SASH1: variants seen among roughly 807,000 people sequenced by gnomAD.
The protein encoded by SASH1 is SAM and SH3 domain-containing protein 1.
Under a neutral mutation model 125.2 loss-of-function variants are expected in SASH1, and 44 were observed. The observed-to-expected ratio is 0.35, with a 90% CI of 0.28 to 0.45. The LOEUF (loss-of-function observed/expected upper bound fraction) is 0.45. SASH1 is among the 20% of genes least tolerant of loss of function. The pLI, the probability that SASH1 is intolerant of heterozygous loss-of-function variation, is 1.00. For synonymous variants in SASH1, 639 were observed against 649.1 expected, an observed-to-expected ratio of 0.98 and a Z score of 0.24; for missense variants, 1,426 against 1,614.5, an observed-to-expected ratio of 0.88 and a Z score of 2.00.
intron 2 of SASH1, among the ~76,000 whole-genome samples, chr6:148,404,452 A>G (rs1044756700): frequency 6.6e-6 from 1 of 152,162 alleles, no homozygotes; most frequent in East Asian, 1.9e-4. Context: ...ATAAACGTCC[A>G]GGATCCACTG....
chr6:148,452,373 G>A (rs1236250568), intron 4 of SASH1, among the ~76,000 whole-genome samples: 1 of 152,172 alleles, frequency 6.6e-6, no homozygotes, highest in Admixed American at 6.5e-5. Context: ...GGTGAGGAGT[G>A]TGAGTCAGGT....
intron 1 of SASH1, among the ~76,000 whole-genome samples, chr6:148,359,392 C>A (rs949717061): frequency 6.7e-6 from 1 of 149,890 alleles, no homozygotes; most frequent in African/African-American, 2.5e-5. Context: ...TTTTTGGTGC[C>A]ATTTTTCCAA....
chr6:148,324,613 A>AG (rs1780747995), intron 1 of SASH1, among the ~76,000 whole-genome samples: 1 of 152,230 alleles, frequency 6.6e-6, no homozygotes, highest in African/African-American at 2.4e-5. Flanking sequence ...TCTCAGCTGC[A>AG]GAAAAAAGTA....
intron 1 of SASH1, among the ~76,000 whole-genome samples, chr6:148,386,899 A>G (rs1236044009): frequency 6.6e-6 from 1 of 152,110 alleles, no homozygotes; most frequent in Non-Finnish European, 1.5e-5. Context: ...AGGGATGGTG[A>G]GCACTTTGTT....
chr6:148,415,539 A>C (rs1784788431), intron 2 of SASH1, among the ~76,000 whole-genome samples: 2 of 152,254 alleles, frequency 1.3e-5, no homozygotes, highest in African/African-American at 4.8e-5. Flanking sequence ...AATCAGAGGG[A>C]AGATCACTCT....
intron 3 of SASH1, 28 bp from the exon 4 acceptor site, chr6:148,440,330 C>T: frequency 6.2e-7 from 1 of 1,612,944 alleles, no homozygotes; most frequent in South Asian, 1.1e-5. Context: ...GCTCTGACCA[C>T]ACTGACTATA....
chr6:148,417,078 G>A (rs892106237), intron 2 of SASH1, among the ~76,000 whole-genome samples: 12 of 152,222 alleles, frequency 7.9e-5, no homozygotes, highest in Non-Finnish European at 2.9e-5. Context: ...CTCAGTCACT[G>A]AACATGGATG....
At position 148,549,907 on chromosome 6, in the gene SASH1, T is replaced by G. The variant is rs947514373; in HGVS notation, c.*1349T>G. 9.9e-6 allele frequency: 2 copies of G among 201,974 alleles called. No individual in the cohort carries two copies. Among genetic ancestry groups the G allele is most frequent in the African/African-American group, 4.6e-5 (2 of 43,670 alleles). The allele number at this position is 201,974 out of a possible 1,614,324, so 12.5% of individuals were successfully genotyped here. A position where few individuals can be genotyped will look rare whatever the true frequency, so the allele number is the denominator to read the frequency against. Reference sequence around the variant, plus strand: ...TCACTGCAACCTCAGTCTCCCAGGTTCAAGTGATTCTCCTGCCTTAGCCTC... The same window carrying G: ...TCACTGCAACCTCAGTCTCCCAGGTGCAAGTGATTCTCCTGCCTTAGCCTC... On this transcript the variant is annotated 3_prime_UTR_variant, in exon 20 of 20. Coordinates refer to ENST00000367467, the MANE Select transcript of SASH1 (RefSeq NM_015278.5).
intron 2 of SASH1, among the ~76,000 whole-genome samples, chr6:148,414,377 G>A (rs976633359): frequency 1.1e-4 from 17 of 152,008 alleles, no homozygotes. Context: ...GGTGAATGCA[G>A]GAAGGTGGTA....
chr6:148,447,644 T>A (rs149291609), intron 4 of SASH1, among the ~76,000 whole-genome samples: 36 of 151,682 alleles, frequency 2.4e-4, no homozygotes, highest in African/African-American at 8.5e-4. Context: ...CTCCTCCTCC[T>A]CCTTTTCCTC....
At chr6:148,292,023 G>A (rs1400386104) in intron 1 of SASH1, among the ~76,000 whole-genome samples, 1 of 152,020 alleles carries the variant, frequency 6.6e-6, no homozygotes, top group Non-Finnish European at 1.5e-5. Context: ...AACACTGGTA[G>A]CAAAATCAGG....
chr6:148,286,103 C>T (rs1225414105), intron 1 of SASH1, among the ~76,000 whole-genome samples: 2 of 152,036 alleles, frequency 1.3e-5, no homozygotes, highest in Non-Finnish European at 2.9e-5. Flanking sequence ...TCTTTACAAA[C>T]ATCAAGGGAT....
chr6:148,390,145 G>T lies in SASH1; in HGVS notation c.168G>T (p.Leu56=), dbSNP rs2114826189. 6.2e-7 allele frequency: 1 copy of T among 1,613,306 alleles called. No individual in the cohort carries two copies. The highest frequency in any genetic ancestry group is 8.5e-7 in the Non-Finnish European group (1 of 1,179,586). ...GTCCACCCCTTCAGGACGGTTCACT[G>T]GGAAACATCGATGACCTGGCGCAGC... is the stretch of plus-strand genomic sequence containing the variant. ...TDVMGILDGS[L]GNIDDLAQQY... is the part of the protein sequence containing the mutation. The change falls in exon 2 of 20, where the codon CTG becomes CTT. Residue 56 remains leucine, a synonymous_variant. Transcript: ENST00000367467.
chr6:148,456,894 T>TAATAATAATAATAATAAG lies in SASH1; in HGVS notation c.387-11644_387-11643insATAATAATAAGAATAATA, dbSNP rs1243822998. 1.6e-4 allele frequency among the ~76,000 whole-genome samples: 24 copies of TAATAATAATAATAATAAG among 149,330 alleles called. No homozygotes were observed. The South Asian group carries it at 1.9e-3, about 12-fold the overall frequency. The stretch of plus-strand genomic sequence containing the variant: ...ATAACAATAATAATAATAATAATAA[T>TAATAATAATAATAATAAG]AATAATATAATGTAAACAAAGGTAC... On this transcript the variant is annotated intron_variant, in intron 4 of 19. Coordinates refer to ENST00000367467, the MANE Select transcript of SASH1 (RefSeq NM_015278.5).
chr6:148,425,593 C>G (rs575652379), intron 2 of SASH1, among the ~76,000 whole-genome samples: 1 of 152,102 alleles, frequency 6.6e-6, no homozygotes, highest in African/African-American at 2.4e-5. Flanking sequence ...GCTCAACATT[C>G]TTGAAAAAAT....
Position 148,533,860 on chromosome 6 carries a change from C to G in SASH1, c.1824C>G (p.Ile608Met). 1 of 1,614,132 alleles carries G rather than the reference C, an allele frequency of 6.2e-7. No homozygotes were observed. The highest frequency in any genetic ancestry group is 1.1e-5 in the South Asian group (1 of 91,066). ...LNNKVGTFKF[I>M]YVDVLSEDEE... ...ACAAAGTCGGCACGTTCAAGTTCAT[C>G]TACGTGGACGTGCTCAGTGAAGACG... The change falls in exon 15 of 20, where the codon ATC (isoleucine) becomes ATG (methionine). Residue 608 changes from isoleucine (I) to methionine (M), a missense_variant. This residue lies in a region of SASH1 where 225 missense variants were observed against 344.5 expected (regional missense o/e 0.65). Transcript: ENST00000367467. This position sits in a 1 kb window ranked among gnomAD's most constrained non-coding sequence, Gnocchi z 6.2.
rs190091462 is a variant in SASH1 at position 148,511,190 on chromosome 6, T to C, written c.730-3134T>C. On this transcript the variant is annotated intron_variant, in intron 8 of 19. Coordinates refer to ENST00000367467, the MANE Select transcript of SASH1 (RefSeq NM_015278.5). ...TTTAAAGGCAAATATTTCACAACGC[T>C]TTTTTCCTCTGGACTCAGTAGGAAG... 3.4e-3 allele frequency among the ~76,000 whole-genome samples: 515 copies of C among 151,264 alleles called. 4 individuals are homozygous for C. Among genetic ancestry groups the C allele is most frequent in the Non-Finnish European group, 5.4e-3 (362 of 67,486 alleles).
At chr6:148,347,473 T>G (rs987924905) in intron 1 of SASH1, among the ~76,000 whole-genome samples, 1 of 152,158 alleles carries the variant, frequency 6.6e-6, no homozygotes, top group African/African-American at 2.4e-5. Context: ...TACTATTTAC[T>G]CCATTCCTAA....
intron 19 of SASH1, among the ~76,000 whole-genome samples, chr6:148,547,364 G>C (rs1201584740): frequency 6.6e-6 from 1 of 152,186 alleles, no homozygotes; most frequent in East Asian, 1.9e-4. Context: ...GAGCTGGGTG[G>C]TGTGAGATTT....
Sources: gnomAD v4.1 joint callset for allele counts (sites outside exome capture counted in the v4.1 genomes callset) on GRCh38, gnomAD v4.1.1 for gene constraint, gnomAD v4.1.1 regional missense constraint, Gnocchi (gnomAD v3.1) non-coding constraint, MANE v1.5 for transcripts, NCBI Gene and HGNC (gene_info 2026-07-23, HGNC 2026-07-21) for gene names.